PEDS1: variants seen among roughly 807,000 people sequenced by gnomAD.
The protein encoded by PEDS1 is CarF homolog.
A neutral mutation model predicts 35.2 loss-of-function variants in PEDS1; 14 were observed. That is an observed-to-expected ratio of 0.40 (90% CI 0.26 to 0.62). The LOEUF is 0.62. Among genes scored for constraint, PEDS1 ranks in the 20% least tolerant of loss-of-function variants. The pLI is 0.44. For missense variants in PEDS1, 260 were observed against 367.8 expected (o/e 0.71, Z 2.40); for synonymous variants, 152 against 152.0 (o/e 1.00, Z 0.00).
intron 2 of PEDS1, among the ~76,000 whole-genome samples, chr20:50,134,760 A>G (rs948068522): frequency 6.6e-6 from 1 of 152,244 alleles, no homozygotes; most frequent in South Asian, 2.1e-4. Context: ...ACCTACAAAC[A>G]GTAAAGGCCA....
In PEDS1 at chr20:50,123,533, T is replaced by C. The variant is rs1022746773; in HGVS notation, c.*1525A>G. 2 of 152,446 alleles carry C rather than the reference T, an allele frequency of 1.3e-5. No homozygotes were observed. Among genetic ancestry groups the C allele is most frequent in the African/African-American group, 2.4e-5 (1 of 41,470 alleles). The allele number at this position is 152,446 out of a possible 1,614,324, so 9.4% of individuals were successfully genotyped here. ...TGTCCGCCTCAGCCTCCCAAAGTGC[T>C]GGGATTACTGGCGTGAGCCACTGTG... On this transcript the variant is annotated 3_prime_UTR_variant, in exon 6 of 6. Coordinates refer to ENST00000371652, the MANE Select transcript of PEDS1 (RefSeq NM_199129.4).
At position 50,128,813 on chromosome 20, in the gene PEDS1, G is replaced by A. The variant is rs1233726046; in HGVS notation, c.479-626C>T. Among the ~76,000 whole-genome samples, 4 of 152,200 alleles carry A rather than the reference G, an allele frequency of 2.6e-5. No homozygotes were observed. Among genetic ancestry groups the A allele is most frequent in the Non-Finnish European group, 4.4e-5 (3 of 68,022 alleles). On this transcript the variant is annotated intron_variant, in intron 4 of 5. Coordinates refer to ENST00000371652, the MANE Select transcript of PEDS1 (RefSeq NM_199129.4). This position sits in a 1 kb window ranked among gnomAD's most constrained non-coding sequence, Gnocchi z 5.2. ...TAGCGTCGGAGGCGTTTCAGTCACT[G>A]GCTCCAGCCTTATCCCAAGGAGACA...
intron 5 of PEDS1, 39 bp downstream of exon 5, chr20:50,127,936 G>C (rs1569041095): frequency 6.3e-7 from 1 of 1,599,904 alleles, no homozygotes; most frequent in Non-Finnish European, 8.5e-7. Context: ...GCAGTGGCTG[G>C]GGTGGGGAAA....
chr20:50,129,639 G>T lies in PEDS1; in HGVS notation c.385C>A (p.Arg129=), dbSNP rs1369337119. The T allele has an allele frequency of 1.2e-6, 2 of 1,613,990 alleles. No individual in the cohort carries two copies. Among genetic ancestry groups the T allele is most frequent in the Non-Finnish European group, 1.7e-6 (2 of 1,180,026 alleles). ...CCGTTGGTCTCGATGAAGTCGTGCC[G>T]TGTGATAGCTGTCGGGTCAATGTGG... The part of the protein sequence containing the change: ...EHHIDPTAIT[R]HDFIETNGDN... Residue 129 remains arginine (R), a synonymous_variant, in exon 4 of 6, where the codon CGG becomes AGG. Coordinates refer to ENST00000371652, the MANE Select transcript of PEDS1 (RefSeq NM_199129.4). The surrounding 1 kb of genome is among the most constrained non-coding windows in gnomAD (Gnocchi z 4.2).
At chr20:50,153,264 G>A (rs187892420) in intron 1 of PEDS1, among the ~76,000 whole-genome samples, 13 of 152,164 alleles carry the variant, frequency 8.5e-5, no homozygotes, top group African/African-American at 3.1e-4. Context: ...TGGGAGCTCC[G>A]TTTGTCGCCC....
chr20:50,134,589 T>C (rs952531914), intron 2 of PEDS1, among the ~76,000 whole-genome samples: 2 of 152,130 alleles, frequency 1.3e-5, no homozygotes, highest in South Asian at 2.1e-4. Context: ...ATGAAAGAAA[T>C]AGCTACAGAG....
chr20:50,151,597 C>T (rs747792725), intron 1 of PEDS1, among the ~76,000 whole-genome samples: 2 of 152,170 alleles, frequency 1.3e-5, no homozygotes, highest in Non-Finnish European at 2.9e-5. Context: ...CAGTGGCTCA[C>T]GCCTGTAATC....
In PEDS1 at chr20:50,142,182, C is replaced by T. The variant is rs144385062; in HGVS notation, c.241+1320G>A. Among the ~76,000 whole-genome samples, 700 of 152,270 alleles carry T rather than the reference C, an allele frequency of 4.6e-3. 7 individuals carry two copies. The highest frequency in any genetic ancestry group is 0.016 in the African/African-American group (652 of 41,554). On this transcript the variant is annotated intron_variant, in intron 2 of 5. Transcript: ENST00000371652. ...TGACAACCTTAGCGTAAGAAGTGAC[C>T]GATGGAAAACACCAGGAGGTACTAA...
At position 50,130,870 on chromosome 20, in the gene PEDS1, G is replaced by A. The variant is rs376825398; in HGVS notation, c.319C>T (p.Pro107Ser). 13 of 1,614,024 alleles carry A rather than the reference G, an allele frequency of 8.1e-6. No homozygotes were observed. Among genetic ancestry groups the A allele is most frequent in the African/African-American group, 4.0e-5 (3 of 74,912 alleles). ...AACATACTCACCTTCCCCACAATGG[G>A]CAGCTCCACAGAGCCCCATGTGTCA... ...GADTWGSVEL[P>S]IVGKAFIRPF... is the part of the protein sequence containing the mutation. Residue 107 changes from proline (P) to serine (S), a missense_variant, in exon 3 of 6, where the codon CCC becomes TCC. By Grantham distance (74) the Pro-to-Ser change is moderately conservative (BLOSUM62 -1). Around this residue, in one of 4 missense-constraint regions of PEDS1, gnomAD observed 34 missense variants for 81.9 expected, o/e 0.41. Transcript: ENST00000371652.
In PEDS1 at chr20:50,141,733, C is replaced by G. The variant is rs1269138963; in HGVS notation, c.241+1769G>C. ...AGAGGCTGGGGGTGCAGGTCTCTCC[C>G]ATCCCTGGGGGCAGGGGACATGCCT... is the stretch of plus-strand genomic sequence containing the variant. On this transcript the variant is annotated intron_variant, in intron 2 of 5. Transcript: ENST00000371652. Among the ~76,000 whole-genome samples, 6 of 152,222 alleles carry G rather than the reference C, an allele frequency of 3.9e-5. No homozygotes were observed. In the East Asian group the frequency reaches 1.2e-3, roughly 29 times the overall value.
At chr20:50,141,083 C>T (rs1387320222) in intron 2 of PEDS1, among the ~76,000 whole-genome samples, 1 of 152,196 alleles carries the variant, frequency 6.6e-6, no homozygotes, top group Admixed American at 6.5e-5. Context: ...ACAGCACACA[C>T]CTGGGCTCTG....
chr20:50,134,883 T>G (rs540933978), intron 2 of PEDS1, among the ~76,000 whole-genome samples: 2 of 152,240 alleles, frequency 1.3e-5, no homozygotes, highest in South Asian at 4.1e-4. Context: ...TGGCAAACTT[T>G]CTTTAAAGGG....
chr20:50,143,701 CT>C (rs10574784), intron 1 of PEDS1, 80 bp from the exon 2 acceptor site: 19,615 of 1,228,800 alleles, frequency 0.016, 1 homozygote, highest in South Asian at 0.026. Context: ...CTTTTCTTTT[CT>C]TTTTTTTTTT....
intron 1 of PEDS1, among the ~76,000 whole-genome samples, chr20:50,152,705 A>G: frequency 6.6e-6 from 1 of 152,136 alleles, no homozygotes; most frequent in East Asian, 1.9e-4. Context: ...TCCAGTCCCA[A>G]GTCCTAAGGA....
Position 50,151,366 on chromosome 20 carries a change from G to T in PEDS1, c.121+2151C>A, listed in dbSNP as rs141210242. ...TATGCAATTGATCGTGGTGGAGTGG[G>T]GAAACAGCAATCCCTGGGGAGGCTC... On this transcript the variant is annotated intron_variant, in intron 1 of 5. Transcript: ENST00000371652. 3,287 of 1,157,712 alleles carry T rather than the reference G, an allele frequency of 2.8e-3. 9 individuals carry two copies. The highest frequency in any genetic ancestry group is 3.6e-3 in the Non-Finnish European group (3,059 of 855,140). The allele number at this position is 1,157,712 out of a possible 1,614,324, so 71.7% of individuals were successfully genotyped here. A position where few individuals can be genotyped will look rare whatever the true frequency, so the allele number is the denominator to read the frequency against.
rs748690528 is a variant in PEDS1, at chr20:50,153,675, G to C, written c.-38C>G. ...GATCGGCCCGGTGCGCTCTGCTGGC[G>C]GCGGCGGCGGCAGGGCCGCGGAACC... On this transcript the variant is annotated 5_prime_UTR_variant, in exon 1 of 6. Coordinates refer to ENST00000371652, the MANE Select transcript of PEDS1 (RefSeq NM_199129.4). 8.3e-7 allele frequency: 1 copy of C among 1,209,886 alleles called. No homozygotes were observed. Among genetic ancestry groups the C allele is most frequent in the African/African-American group, 1.6e-5 (1 of 63,398 alleles). 74.9% of individuals were successfully genotyped at this position (1,209,886 alleles called of 1,614,324 possible). A position where few individuals can be genotyped will look rare whatever the true frequency, so the allele number is the denominator to read the frequency against.
At chr20:50,150,332 ACTT>A (rs1417997373) in intron 1 of PEDS1, among the ~76,000 whole-genome samples, 5 of 152,068 alleles carry the variant, frequency 3.3e-5, no homozygotes, top group African/African-American at 7.2e-5. Flanking sequence ...GAACCCAGGA[ACTT>A]CTTCTACTCT....
At chr20:50,149,366 G>A (rs532920669) in intron 1 of PEDS1, among the ~76,000 whole-genome samples, 13 of 152,262 alleles carry the variant, frequency 8.5e-5, no homozygotes, top group African/African-American at 2.4e-4. Flanking sequence ...GGACCGTGAG[G>A]CTGCACCCAT....
At chr20:50,131,016 T>G in intron 2 of PEDS1, 69 bp from the exon 3 acceptor site, 2 of 1,612,842 alleles carry the variant, frequency 1.2e-6, no homozygotes, top group Non-Finnish European at 1.7e-6. Context: ...ATTCATTTAC[T>G]CACTTGCCCG....
Sources: gnomAD v4.1 joint callset for allele counts (sites outside exome capture counted in the v4.1 genomes callset) on GRCh38, gnomAD v4.1.1 for gene constraint, gnomAD v4.1.1 regional missense constraint, Gnocchi (gnomAD v3.1) non-coding constraint, MANE v1.5 for transcripts, NCBI Gene and HGNC (gene_info 2026-07-23, HGNC 2026-07-21) for gene names.